Variants in PLEKHA7 observed in about 807,000 individuals in gnomAD.
PLEKHA7 encodes pleckstrin homology domain-containing family A member 7.
In PLEKHA7, 104 loss-of-function variants were observed where a neutral mutation model predicts 170.0. The ratio of observed to expected loss-of-function variants is 0.61; its 90% confidence interval spans 0.52 to 0.72. PLEKHA7 has a LOEUF of 0.72. Ranked by LOEUF, PLEKHA7 falls within the 30% of genes least tolerant of loss-of-function variation. The pLI, the probability that PLEKHA7 is intolerant of heterozygous loss-of-function variation, is 0.00. For synonymous variants in PLEKHA7, 648 were observed against 660.8 expected (o/e 0.98, Z 0.30); for missense variants, 1,615 against 1,671.7 (o/e 0.97, Z 0.59).
intron 16 of PLEKHA7, 37 bp downstream of exon 16, chr11:16,801,631 C>G (rs745791912): frequency 6.2e-7 from 1 of 1,612,102 alleles, no homozygotes; most frequent in East Asian, 2.2e-5. Flanking sequence ...TTGCTCAGCC[C>G]GTCCTGAGGG....
At chr11:16,934,545 G>A (rs1439860564) in intron 3 of PLEKHA7, among the ~76,000 whole-genome samples, 1 of 152,178 alleles carries the variant, frequency 6.6e-6, no homozygotes, top group Non-Finnish European at 1.5e-5. Flanking sequence ...CTTGTCCAAT[G>A]AACTGGCTTT....
intron 3 of PLEKHA7, among the ~76,000 whole-genome samples, chr11:16,883,013 G>GC (rs1437246282): frequency 3.3e-5 from 5 of 152,158 alleles, no homozygotes; most frequent in Non-Finnish European, 7.4e-5. Context: ...GGAAACTGAG[G>GC]CCCAAAGGAG....
intron 3 of PLEKHA7, among the ~76,000 whole-genome samples, chr11:16,951,728 A>T (rs1181100553): frequency 6.6e-6 from 1 of 152,240 alleles, no homozygotes; most frequent in Non-Finnish European, 1.5e-5. Context: ...AGTTTTAATC[A>T]GGGAATGCCT....
intron 17 of PLEKHA7, chr11:16,795,439 G>A: frequency 5.6e-6 from 1 of 178,414 alleles, no homozygotes; most frequent in Non-Finnish European, 1.2e-5. Context: ...AGAAAGTTCT[G>A]GAGATTGGGC....
intron 3 of PLEKHA7, among the ~76,000 whole-genome samples, chr11:16,961,749 T>C (rs1356940308): frequency 6.6e-6 from 1 of 152,206 alleles, no homozygotes; most frequent in African/African-American, 2.4e-5. Context: ...GAGAAGGCCA[T>C]GGACTTTTGA....
intron 3 of PLEKHA7, among the ~76,000 whole-genome samples, chr11:17,009,007 G>A (rs1865173843): frequency 6.6e-6 from 1 of 152,272 alleles, no homozygotes; most frequent in Admixed American, 6.5e-5. Context: ...AGGAGACCAG[G>A]GGGTACTGCC....
At chr11:16,844,805 C>T (rs1046709561) in intron 8 of PLEKHA7, among the ~76,000 whole-genome samples, 2 of 152,140 alleles carry the variant, frequency 1.3e-5, no homozygotes, top group African/African-American at 4.8e-5. Flanking sequence ...AATAGAGAAA[C>T]CTCAGTGGAA....
chr11:16,963,320 A>AGATGAGGTGGC (rs1862181975), intron 3 of PLEKHA7, among the ~76,000 whole-genome samples: 1 of 152,138 alleles, frequency 6.6e-6, no homozygotes, highest in African/African-American at 2.4e-5. Context: ...TACCTTGCTT[A>AGATGAGGTGGC]ATTTAGGACT....
chr11:16,996,955 T>C (rs1388202598), intron 3 of PLEKHA7, among the ~76,000 whole-genome samples: 4 of 151,710 alleles, frequency 2.6e-5, no homozygotes, highest in Admixed American at 2.6e-4. Context: ...AAAAGTTGAA[T>C]CTCAGAGTGG....
intron 3 of PLEKHA7, among the ~76,000 whole-genome samples, chr11:16,920,613 G>A (rs1859016058): frequency 1.3e-5 from 2 of 152,158 alleles, no homozygotes; most frequent in African/African-American, 4.8e-5. Context: ...GGACAAATAA[G>A]ACCACTTGCC....
chr11:16,792,091 A>C (rs1320683183), intron 19 of PLEKHA7, among the ~76,000 whole-genome samples: 1 of 152,234 alleles, frequency 6.6e-6, no homozygotes, highest in East Asian at 1.9e-4. Flanking sequence ...GTTTATCAAC[A>C]ATCTTCACTG....
chr11:16,953,247 G>C (rs1054170435), intron 3 of PLEKHA7, among the ~76,000 whole-genome samples: 1 of 152,234 alleles, frequency 6.6e-6, no homozygotes, highest in Non-Finnish European at 1.5e-5. Context: ...CAATCTCAGA[G>C]ACCAGTCTTA....
intron 3 of PLEKHA7, among the ~76,000 whole-genome samples, chr11:16,886,855 C>T (rs952772443): frequency 9.2e-5 from 14 of 152,138 alleles, no homozygotes; most frequent in Non-Finnish European, 1.8e-4. Context: ...GATGCCAATC[C>T]CCTAGTGTCT....
chr11:16,788,795 C>G, intron 23 of PLEKHA7: 1 of 488,908 alleles, frequency 2.0e-6, no homozygotes, highest in Non-Finnish European at 3.7e-6. Flanking sequence ...GTCCTGAATT[C>G]AGCCGAGATT....
chr11:17,013,040 CT>C (rs1865410368), intron 3 of PLEKHA7: 1 of 152,242 alleles, frequency 6.6e-6, no homozygotes, highest in Admixed American at 6.5e-5. Flanking sequence ...CCGTCCAGAC[CT>C]TTGGCGAGCT....
At chr11:16,822,983 T>TG in intron 10 of PLEKHA7, among the ~76,000 whole-genome samples, 1 of 64,994 alleles carries the variant, frequency 1.5e-5, no homozygotes, top group African/African-American at 4.5e-5. Flanking sequence ...TATGTATGTA[T>TG]TATTTATTTA....
chr11:16,884,519 C>T (rs1187090105), intron 3 of PLEKHA7, among the ~76,000 whole-genome samples: 1 of 152,064 alleles, frequency 6.6e-6, no homozygotes, highest in Non-Finnish European at 1.5e-5. Flanking sequence ...CCTGTAATTC[C>T]AGCTACTCAG....
intron 3 of PLEKHA7, among the ~76,000 whole-genome samples, chr11:16,895,249 C>A (rs886427592): frequency 2.0e-5 from 3 of 152,174 alleles, no homozygotes; most frequent in African/African-American, 7.2e-5. Flanking sequence ...GTCTAGAAGT[C>A]CCAGCAATCA....
At chr11:16,939,155 T>C (rs1045505492) in intron 3 of PLEKHA7, among the ~76,000 whole-genome samples, 2 of 152,194 alleles carry the variant, frequency 1.3e-5, no homozygotes, top group Admixed American at 6.5e-5. Flanking sequence ...CTCCCTCCTA[T>C]AGTCCCAGCG....
Sources: gnomAD v4.1 joint callset for allele counts (sites outside exome capture counted in the v4.1 genomes callset) on GRCh38, gnomAD v4.1.1 for gene constraint, MANE v1.5 for transcripts, NCBI Gene and HGNC (gene_info 2026-07-23, HGNC 2026-07-21) for gene names.